Variants in MALRD1 observed in about 807,000 individuals in gnomAD.
MALRD1 encodes MAM and LDL receptor class A domain containing 1.
A neutral mutation model predicts 242.1 loss-of-function variants in MALRD1; 247 were observed. The observed-to-expected ratio is 1.02, with a 90% CI of 0.92 to 1.13. MALRD1 has a LOEUF of 1.13. Ranked by LOEUF, MALRD1 falls within the 50% of genes most tolerant of loss-of-function variation. The pLI is 0.00. For missense variants in MALRD1, 2,989 were observed against 2,533.1 expected (o/e 1.18, Z -3.86); for synonymous variants, 995 against 866.6 (o/e 1.15, Z -2.60).
At chr10:19,248,189 C>A (rs780051684) in intron 18 of MALRD1, among the ~76,000 whole-genome samples, 9 of 151,976 alleles carry the variant, frequency 5.9e-5, no homozygotes, top group Admixed American at 2.6e-4. Context: ...ATTCAAAGTA[C>A]TACATAATAA....
At chr10:19,507,357 C>G (rs1358130902) in intron 31 of MALRD1, among the ~76,000 whole-genome samples, 2 of 151,756 alleles carry the variant, frequency 1.3e-5, no homozygotes, top group Admixed American at 1.3e-4. Flanking sequence ...TAAAAATTTT[C>G]AAAATAAAGG....
At chr10:19,255,245 G>A (rs111907802) in intron 18 of MALRD1, among the ~76,000 whole-genome samples, 6 of 151,956 alleles carry the variant, frequency 3.9e-5, no homozygotes, top group Admixed American at 1.3e-4. Flanking sequence ...GAGGCACTCC[G>A]TAAGGTAGCA....
At chr10:19,721,197 A>G (rs1280470038) in intron 38 of MALRD1, among the ~76,000 whole-genome samples, 1 of 152,172 alleles carries the variant, frequency 6.6e-6, no homozygotes, top group Non-Finnish European at 1.5e-5. Flanking sequence ...GAAACCCCAG[A>G]ATATCTTATT....
At chr10:19,624,271 A>G (rs1213312593) in intron 36 of MALRD1, among the ~76,000 whole-genome samples, 1 of 152,168 alleles carries the variant, frequency 6.6e-6, no homozygotes, top group Non-Finnish European at 1.5e-5. Flanking sequence ...ATGCCCATGG[A>G]TGAATAATCT....
chr10:19,192,591 C>T (rs916236592), intron 14 of MALRD1, among the ~76,000 whole-genome samples: 1 of 152,112 alleles, frequency 6.6e-6, no homozygotes, highest in Admixed American at 6.5e-5. Flanking sequence ...GATTTCCCCC[C>T]ACAGCCTCCA....
intron 18 of MALRD1, among the ~76,000 whole-genome samples, chr10:19,247,361 C>G (rs762192184): frequency 6.6e-6 from 1 of 152,002 alleles, no homozygotes; most frequent in Non-Finnish European, 1.5e-5. Flanking sequence ...TGAAATATCT[C>G]TTAAATATTC....
chr10:19,510,484 C>T (rs1833349035), intron 31 of MALRD1, among the ~76,000 whole-genome samples: 1 of 152,192 alleles, frequency 6.6e-6, no homozygotes, highest in Non-Finnish European at 1.5e-5. Context: ...TGTTTTATGT[C>T]CCTGGGTACT....
chr10:19,512,620 C>T (rs1378795028), intron 31 of MALRD1, among the ~76,000 whole-genome samples: 1 of 152,080 alleles, frequency 6.6e-6, no homozygotes, highest in African/African-American at 2.4e-5. Flanking sequence ...TTCTGTCTAA[C>T]CAGGAAACAT....
intron 32 of MALRD1, among the ~76,000 whole-genome samples, chr10:19,557,858 G>T (rs1450464558): frequency 6.6e-6 from 1 of 151,840 alleles, no homozygotes; most frequent in Non-Finnish European, 1.5e-5. Context: ...AAATTAAGTT[G>T]GGAAGAACTT....
At chr10:19,318,680 G>A (rs997237806) in intron 21 of MALRD1, among the ~76,000 whole-genome samples, 59 of 151,478 alleles carry the variant, frequency 3.9e-4, no homozygotes, top group Non-Finnish European at 1.8e-4. Flanking sequence ...CTCTTCTTAC[G>A]TTTTATTTTT....
intron 18 of MALRD1, among the ~76,000 whole-genome samples, chr10:19,250,909 T>C (rs1287849851): frequency 1.3e-5 from 2 of 151,878 alleles, no homozygotes; most frequent in Non-Finnish European, 2.9e-5. Flanking sequence ...ATGTCTGAGG[T>C]TTTGAATGGC....
At chr10:19,628,527 A>G (rs556866041) in intron 36 of MALRD1, among the ~76,000 whole-genome samples, 1 of 152,242 alleles carries the variant, frequency 6.6e-6, no homozygotes, top group South Asian at 2.1e-4. Context: ...ATGTATATTA[A>G]GATCCTATTT....
intron 18 of MALRD1, among the ~76,000 whole-genome samples, chr10:19,231,114 A>G (rs771006937): frequency 7.2e-5 from 11 of 152,126 alleles, no homozygotes; most frequent in African/African-American, 2.7e-4. Context: ...TGTCAAGCTG[A>G]TGTCCATCCT....
chr10:19,186,492 ATGT>A (rs1835743283), intron 14 of MALRD1, among the ~76,000 whole-genome samples: 2 of 152,360 alleles, frequency 1.3e-5, no homozygotes, highest in South Asian at 4.1e-4. Flanking sequence ...GCAGATAATC[ATGT>A]TGTTAAATTA....
chr10:19,165,267 T>TATATATATATATA (rs1564435240), intron 12 of MALRD1, among the ~76,000 whole-genome samples: 2 of 53,814 alleles, frequency 3.7e-5, no homozygotes, highest in African/African-American at 3.0e-4. Context: ...ATATATATAT[T>TATATATATATATA]TTGTTTTGTT....
chr10:19,100,448 C>T (rs1836210155), intron 4 of MALRD1, among the ~76,000 whole-genome samples: 1 of 149,702 alleles, frequency 6.7e-6, no homozygotes, highest in South Asian at 2.1e-4. Flanking sequence ...CTTCAGTAGT[C>T]CAGGGTGAGG....
intron 5 of MALRD1, among the ~76,000 whole-genome samples, chr10:19,117,976 A>C (rs138853497): frequency 6.6e-6 from 1 of 152,330 alleles, no homozygotes; most frequent in East Asian, 1.9e-4. Context: ...GCGTTCACCA[A>C]GCTTACAATT....
At chr10:19,695,598 C>A (rs532579979) in intron 38 of MALRD1, among the ~76,000 whole-genome samples, 11 of 151,316 alleles carry the variant, frequency 7.3e-5, no homozygotes, top group Admixed American at 6.6e-4. Context: ...CAGCTCACTG[C>A]CACCTCCACC....
At chr10:19,238,387 T>A (rs1381665081) in intron 18 of MALRD1, among the ~76,000 whole-genome samples, 1 of 82,014 alleles carries the variant, frequency 1.2e-5, no homozygotes, top group African/African-American at 4.9e-5. Flanking sequence ...CATAATATAT[T>A]ATATATGTTA....
Sources: gnomAD v4.1 joint callset for allele counts (sites outside exome capture counted in the v4.1 genomes callset) on GRCh38, gnomAD v4.1.1 for gene constraint, MANE v1.5 for transcripts, NCBI Gene and HGNC (gene_info 2026-07-23, HGNC 2026-07-21) for gene names.